The following ESRRG variants were observed in gnomAD, a reference collection of about 807,000 sequenced individuals.
ESRRG encodes estrogen related receptor gamma.
Under a neutral mutation model 44.0 loss-of-function variants are expected in ESRRG, and 13 were observed. That is an observed-to-expected ratio of 0.30 (90% CI 0.19 to 0.47). ESRRG has a LOEUF of 0.47. Ranked by LOEUF, ESRRG falls within the 20% of genes least tolerant of loss-of-function variation. ESRRG has a pLI of 1.00. For synonymous variants in ESRRG, 215 were observed against 214.6 expected (o/e 1.00, Z -0.02); for missense variants, 395 against 580.6 (o/e 0.68, Z 3.29).
chr1:216,806,837 A>G (rs1264160267), intron 2 of ESRRG, among the ~76,000 whole-genome samples: 2 of 152,152 alleles, frequency 1.3e-5, no homozygotes, highest in East Asian at 3.9e-4. Flanking sequence ...TCAGCTTTCA[A>G]TCTTGAAATT....
At chr1:216,931,953 C>T (rs1447100191) in intron 2 of ESRRG, among the ~76,000 whole-genome samples, 1 of 152,012 alleles carries the variant, frequency 6.6e-6, no homozygotes, top group African/African-American at 2.4e-5. Context: ...CGCCTGTAAT[C>T]CCAGCACTTT....
At chr1:217,058,437 A>G (rs1370266062) in intron 1 of ESRRG, among the ~76,000 whole-genome samples, 1 of 152,118 alleles carries the variant, frequency 6.6e-6, no homozygotes, top group South Asian at 2.1e-4. Flanking sequence ...GATGATCAAA[A>G]TAATTAGAGA....
intron 1 of ESRRG, among the ~76,000 whole-genome samples, chr1:217,047,907 G>T (rs965236158): frequency 1.1e-4 from 17 of 152,176 alleles, no homozygotes; most frequent in Non-Finnish European, 2.4e-4. Flanking sequence ...CTAGAGAAAA[G>T]AAGTAGCCCA....
chr1:216,885,184 A>G (rs2096497435), intron 2 of ESRRG, among the ~76,000 whole-genome samples: 1 of 152,232 alleles, frequency 6.6e-6, no homozygotes, highest in South Asian at 2.1e-4. Context: ...TCATTTAAAT[A>G]AAAATAGAAT....
intron 1 of ESRRG, among the ~76,000 whole-genome samples, chr1:216,968,151 G>C (rs1350521473): frequency 6.6e-6 from 1 of 152,068 alleles, no homozygotes; most frequent in East Asian, 1.9e-4. Context: ...TCCTTTATAA[G>C]ATGTCTTTTA....
intron 2 of ESRRG, among the ~76,000 whole-genome samples, chr1:216,889,759 C>T (rs963570793): frequency 1.3e-5 from 2 of 152,092 alleles, no homozygotes; most frequent in Non-Finnish European, 2.9e-5. Context: ...TTTCGCTTTC[C>T]TGATAAATCA....
At chr1:217,039,363 C>A (rs1339294174) in intron 1 of ESRRG, among the ~76,000 whole-genome samples, 1 of 152,130 alleles carries the variant, frequency 6.6e-6, no homozygotes, top group Non-Finnish European at 1.5e-5. Context: ...GTACCCGAGA[C>A]TGGGCAATTT....
At chr1:216,924,137 G>A (rs1172262652) in intron 2 of ESRRG, among the ~76,000 whole-genome samples, 3 of 152,054 alleles carry the variant, frequency 2.0e-5, no homozygotes, top group African/African-American at 7.2e-5. Context: ...AGAGGAAGAG[G>A]TTTTCTCTCC....
Position 216,945,265 on chromosome 1 carries a change from G to T in ESRRG, c.-105-5592C>A, listed in dbSNP as rs548308314. On this transcript the variant is annotated intron_variant, in intron 1 of 7. Transcript: ENST00000359162. ...GTGCTGAGGAGGGGAATGTGGGAAG[G>T]AAGGAGGCATTTGCTCAATCAGTAC... Among the ~76,000 whole-genome samples, 4 of 152,170 alleles carry T rather than the reference G, an allele frequency of 2.6e-5. No homozygotes were observed. The South Asian group carries it at 6.2e-4, about 24-fold the overall frequency.
At chr1:217,107,233 C>G (rs2092608245) in intron 1 of ESRRG, among the ~76,000 whole-genome samples, 1 of 152,326 alleles carries the variant, frequency 6.6e-6, no homozygotes, top group Admixed American at 6.5e-5. Flanking sequence ...TACGTCAAAT[C>G]TCCTGTTCCT....
chr1:216,663,645 C>CA (rs11356808), intron 2 of ESRRG, among the ~76,000 whole-genome samples: 6 of 151,224 alleles, frequency 4.0e-5, no homozygotes, highest in African/African-American at 1.2e-4. Flanking sequence ...ATAAGAAAAA[C>CA]AAAAAAAAGA....
rs1460670598 is a variant in ESRRG, at chr1:216,506,741, G to A, written c.*198C>T. ...TGTGGGAAGAAAGAGGAAAGAAGAT[G>A]ATGGAGAAAGTAGAAAGAAACTCAT... On this transcript the variant is annotated 3_prime_UTR_variant, in exon 7 of 7. Transcript: ENST00000408911. 1.5e-6 allele frequency: 1 copy of A among 655,068 alleles called. No homozygotes were observed. The highest frequency in any genetic ancestry group is 2.7e-6 in the Non-Finnish European group (1 of 367,896). The allele number at this position is 655,068 out of a possible 1,614,324, so 40.6% of individuals were successfully genotyped here. A position where few individuals can be genotyped will look rare whatever the true frequency, so the allele number is the denominator to read the frequency against.
chr1:216,914,767 C>G (rs538178947), intron 2 of ESRRG, among the ~76,000 whole-genome samples: 3 of 152,286 alleles, frequency 2.0e-5, no homozygotes, highest in Non-Finnish European at 4.4e-5. Flanking sequence ...AGGTCACCAT[C>G]TCTCCCATCC....
chr1:217,022,057 C>T (rs1041067126), intron 1 of ESRRG, among the ~76,000 whole-genome samples: 19 of 152,136 alleles, frequency 1.2e-4, no homozygotes, highest in Admixed American at 2.0e-4. Flanking sequence ...ATGGTGTGCT[C>T]GGTCTCATCC....
intron 5 of ESRRG, among the ~76,000 whole-genome samples, chr1:216,562,064 C>T (rs1179532013): frequency 6.6e-6 from 1 of 152,192 alleles, no homozygotes; most frequent in African/African-American, 2.4e-5. Context: ...GTCGGACCTA[C>T]ATATTTATCA....
chr1:216,679,732 T>G (rs929424212), intron 1 of ESRRG, among the ~76,000 whole-genome samples: 1 of 151,780 alleles, frequency 6.6e-6, no homozygotes, highest in Non-Finnish European at 1.5e-5. Flanking sequence ...TCCTGTATCT[T>G]CCATGGTCAC....
At chr1:216,605,813 G>T (rs1558770782) in intron 3 of ESRRG, among the ~76,000 whole-genome samples, 1 of 151,332 alleles carries the variant, frequency 6.6e-6, no homozygotes, top group African/African-American at 2.4e-5. Flanking sequence ...ACGAAAGACT[G>T]GGTTTCATCC....
chr1:216,685,575 T>C (rs1179919046), intron 1 of ESRRG, among the ~76,000 whole-genome samples: 1 of 152,138 alleles, frequency 6.6e-6, no homozygotes, highest in Non-Finnish European at 1.5e-5. Flanking sequence ...AAACAGACAT[T>C]CAACTCATAG....
At chr1:216,623,925 G>C (rs1197175727) in intron 3 of ESRRG, among the ~76,000 whole-genome samples, 1 of 151,534 alleles carries the variant, frequency 6.6e-6, no homozygotes, top group Non-Finnish European at 1.5e-5. Flanking sequence ...CATATATTCA[G>C]GTGGTCCAAA....
Sources: gnomAD v4.1 joint callset for allele counts (sites outside exome capture counted in the v4.1 genomes callset) on GRCh38, gnomAD v4.1.1 for gene constraint, MANE v1.5 for transcripts, NCBI Gene and HGNC (gene_info 2026-07-23, HGNC 2026-07-21) for gene names.